NCKAP5: variants seen among roughly 807,000 people sequenced by gnomAD.
The protein encoded by NCKAP5 is NCK associated protein 5.
NCKAP5 carries 92 observed loss-of-function variants against 167.0 expected under a neutral mutation model. The ratio of observed to expected loss-of-function variants is 0.55; its 90% CI spans 0.47 to 0.66. The LOEUF is 0.66. NCKAP5 is among the 30% of genes least tolerant of loss of function. The pLI is 0.00. For synonymous variants in NCKAP5, 891 were observed against 877.4 expected (o/e 1.02, Z -0.27); for missense variants, 2,378 against 2,315.0 (o/e 1.03, Z -0.56).
chr2:133,091,811 T>C (rs7584749), intron 6 of NCKAP5, among the ~76,000 whole-genome samples: 7,774 of 152,116 alleles, frequency 0.051, 644 homozygotes, highest in African/African-American at 0.17. Flanking sequence ...GGTGTGAACC[T>C]GGGAGGCGGA....
chr2:133,607,430 G>T, the NCKAP5 span, among the ~76,000 whole-genome samples: 2 of 152,054 alleles, frequency 1.3e-5, no homozygotes, highest in African/African-American at 2.4e-5. Context: ...ACTTTAACCA[G>T]TCACCCATCC....
intron 6 of NCKAP5, among the ~76,000 whole-genome samples, chr2:133,090,077 C>G (rs2081120470): frequency 6.6e-6 from 1 of 151,950 alleles, no homozygotes; most frequent in Middle Eastern, 3.2e-3. Flanking sequence ...AAAAACATAT[C>G]TAACTCCAGG....
chr2:132,875,702 A>G (rs1691210868), intron 9 of NCKAP5, among the ~76,000 whole-genome samples: 1 of 152,228 alleles, frequency 6.6e-6, no homozygotes, highest in Non-Finnish European at 1.5e-5. Flanking sequence ...CTCACCACTA[A>G]GTGTCTGTCA....
intron 6 of NCKAP5, among the ~76,000 whole-genome samples, chr2:133,129,229 A>G (rs545350253): frequency 2.0e-5 from 3 of 151,858 alleles, no homozygotes; most frequent in African/African-American, 4.8e-5. Context: ...ATATCTCCCA[A>G]TGTTATCCCT....
At chr2:133,202,936 T>C (rs2085765972) in intron 5 of NCKAP5, among the ~76,000 whole-genome samples, 1 of 152,150 alleles carries the variant, frequency 6.6e-6, no homozygotes, top group Admixed American at 6.5e-5. Flanking sequence ...TTTTACACTG[T>C]TGGTGGGACT....
the NCKAP5 span, among the ~76,000 whole-genome samples, chr2:133,585,412 C>T: frequency 1.3e-5 from 2 of 152,214 alleles, no homozygotes; most frequent in Non-Finnish European, 2.9e-5. Flanking sequence ...CCATGTTTGT[C>T]CAAATCAAAG....
intron 3 of NCKAP5, among the ~76,000 whole-genome samples, chr2:133,429,477 GCCTC>G (rs1405527205): frequency 6.6e-6 from 1 of 151,688 alleles, no homozygotes; most frequent in African/African-American, 2.4e-5. Context: ...TTTAGTCCTT[GCCTC>G]CCTCCCTCCT....
intron 19 of NCKAP5, among the ~76,000 whole-genome samples, chr2:132,710,209 C>T (rs1215410222): frequency 6.6e-6 from 1 of 152,102 alleles, no homozygotes; most frequent in Non-Finnish European, 1.5e-5. Context: ...GTTAAGGAGG[C>T]TTAAAGACAA....
chr2:132,691,823 C>T (rs367641245), intron 19 of NCKAP5, among the ~76,000 whole-genome samples: 4 of 152,162 alleles, frequency 2.6e-5, no homozygotes, highest in Admixed American at 6.6e-5. Context: ...AACTTCTCCC[C>T]GCCACAGAAA....
chr2:133,027,110 A>C (rs1336028223), intron 6 of NCKAP5, among the ~76,000 whole-genome samples: 2 of 152,192 alleles, frequency 1.3e-5, no homozygotes, highest in Non-Finnish European at 2.9e-5. Context: ...TATCCTTTCA[A>C]GTAATAATGG....
intron 16 of NCKAP5, among the ~76,000 whole-genome samples, chr2:132,741,204 A>G (rs1679155959): frequency 6.6e-6 from 1 of 152,054 alleles, no homozygotes; most frequent in Non-Finnish European, 1.5e-5. Flanking sequence ...GGGAATGGTT[A>G]TTGGTCTAGT....
intron 3 of NCKAP5, among the ~76,000 whole-genome samples, chr2:133,506,847 A>C (rs75452525): frequency 0.045 from 6,892 of 152,276 alleles, 360 homozygotes; most frequent in East Asian, 0.26. Context: ...CAATAAAACA[A>C]TATTACTGAT....
Position 132,784,145 on chromosome 2 carries a change from T to C in NCKAP5, c.2666A>G (p.Lys889Arg), listed in dbSNP as rs1312059941. ...PSRRDWVQCP[K>R]SQTPGSRSRP... ...TGACCGTGACCCTGGAGTCTGACTC[T>C]TGGGGCACTGGACCCAGTCCCTCCT... The change falls in exon 14 of 20, where the codon AAG becomes AGG. Residue 889 changes from lysine (K) to arginine (R), a missense_variant. By Grantham distance (26) the Lys-to-Arg change is conservative. This residue lies in a region of NCKAP5 where 1,325 missense variants were observed against 1,274.5 expected (regional missense o/e 1.04). Coordinates refer to ENST00000409261, the MANE Select transcript of NCKAP5 (RefSeq NM_207363.3). 2.0e-6 allele frequency: 3 copies of C among 1,527,266 alleles called. No homozygotes were observed. The highest frequency in any genetic ancestry group is 4.4e-5 in the Admixed American group (2 of 45,418). The allele number at this position is 1,527,266 out of a possible 1,614,324, so 94.6% of individuals were successfully genotyped here.
chr2:133,354,169 C>T (rs1018025196), intron 3 of NCKAP5, among the ~76,000 whole-genome samples: 3 of 152,164 alleles, frequency 2.0e-5, no homozygotes, highest in South Asian at 2.1e-4. Flanking sequence ...TCAAATTCTT[C>T]TCCCCTATAT....
intron 5 of NCKAP5, among the ~76,000 whole-genome samples, chr2:133,185,123 G>T (rs994650472): frequency 6.6e-6 from 1 of 152,068 alleles, no homozygotes; most frequent in Non-Finnish European, 1.5e-5. Flanking sequence ...TGTCCATCTT[G>T]TGTTAATTTC....
At chr2:133,302,986 C>T in intron 4 of NCKAP5, 51 bp downstream of exon 4, 16 of 1,250,978 alleles carry the variant, frequency 1.3e-5, no homozygotes, top group Non-Finnish European at 1.8e-5. Context: ...ATCAGCAAAG[C>T]TATAAAGGAT....
chr2:133,651,707 T>C, the NCKAP5 span, among the ~76,000 whole-genome samples: 1 of 152,204 alleles, frequency 6.6e-6, no homozygotes, highest in African/African-American at 2.4e-5. Context: ...ATATTAGCAG[T>C]CTCATGTGTA....
chr2:132,682,847 C>T (rs1009821287), intron 19 of NCKAP5, among the ~76,000 whole-genome samples: 7 of 151,320 alleles, frequency 4.6e-5, no homozygotes, highest in Non-Finnish European at 1.0e-4. Context: ...TGGTGACTTT[C>T]TGAAATTGAC....
At chr2:132,734,922 G>C (rs1691364224) in intron 16 of NCKAP5, among the ~76,000 whole-genome samples, 1 of 152,222 alleles carries the variant, frequency 6.6e-6, no homozygotes, top group Non-Finnish European at 1.5e-5. Flanking sequence ...AAGCCTCACA[G>C]CATGGCCCCA....
Sources: gnomAD v4.1 joint callset for allele counts (sites outside exome capture counted in the v4.1 genomes callset) on GRCh38, gnomAD v4.1.1 for gene constraint, gnomAD v4.1.1 regional missense constraint, MANE v1.5 for transcripts, NCBI Gene and HGNC (gene_info 2026-07-23, HGNC 2026-07-21) for gene names.